The following WDR89 variants were observed in gnomAD, a reference collection of about 807,000 sequenced individuals.
WDR89 encodes WD repeat-containing protein 89.
A neutral mutation model predicts 29.1 loss-of-function variants in WDR89; 17 were observed. The observed-to-expected ratio is 0.58, with a 90% CI of 0.40 to 0.88. The LOEUF (loss-of-function observed/expected upper bound fraction) is 0.88. Among genes scored for constraint, WDR89 ranks in the 40% least tolerant of loss-of-function variants. The pLI is 0.00. For missense variants in WDR89, 396 were observed against 456.3 expected (o/e 0.87, Z 1.20); for synonymous variants, 138 against 157.8 (o/e 0.87, Z 0.94).
rs531761706 is a variant in WDR89 at position 63,597,246 on chromosome 14, C to T, written c.*1533G>A. The T allele has an allele frequency of 2.6e-5, 4 of 152,276 alleles. No individual in the cohort carries two copies. The highest frequency in any genetic ancestry group is 6.5e-5 in the Admixed American group (1 of 15,276). The allele number at this position is 152,276 out of a possible 1,614,324, so 9.4% of individuals were successfully genotyped here. A position where few individuals can be genotyped will look rare whatever the true frequency, so the allele number is the denominator to read the frequency against. ...AACTCACCCACTATCAGGAGAACAT[C>T]GTAGGGGAAACCACCCCCATGATCC... On this transcript the variant is annotated 3_prime_UTR_variant, in exon 3 of 3. Coordinates refer to ENST00000620954, the MANE Select transcript of WDR89 (RefSeq NM_080666.4).
rs1221036779 is a variant in WDR89 at position 63,600,716 on chromosome 14, G to GC, written c.-31-744dup. On this transcript the variant is annotated intron_variant, in intron 2 of 2. Transcript: ENST00000620954. ...TTAGAATTTAAACATAGATATGTAGGCAAAAAAAAAAAAAAAAAAAAAAAA... is the reference window on the plus strand; with the variant it reads ...TTAGAATTTAAACATAGATATGTAGGCCAAAAAAAAAAAAAAAAAAAAAAAA... Among the ~76,000 whole-genome samples the GC allele has an allele frequency of 8.1e-4, 11 of 13,624 alleles. No homozygotes were observed. The East Asian group carries it at 0.021, about 26-fold the overall frequency. The allele number at this position is 13,624 out of a possible 152,430, so 8.9% of individuals were successfully genotyped here. A position where few individuals can be genotyped will look rare whatever the true frequency, so the allele number is the denominator to read the frequency against.
At chr14:63,635,755 G>A (rs1332876559) in intron 1 of WDR89, among the ~76,000 whole-genome samples, 2 of 152,178 alleles carry the variant, frequency 1.3e-5, no homozygotes, top group Non-Finnish European at 2.9e-5. Context: ...AAAGCTCCTA[G>A]AACTGATAAA....
chr14:63,641,429 C>G (rs555423873), intron 1 of WDR89: 1 of 152,244 alleles, frequency 6.6e-6, no homozygotes, highest in Non-Finnish European at 1.5e-5. Flanking sequence ...TTATACTAAA[C>G]CCTTTTAGTG....
At chr14:63,619,270 T>A (rs1368632672) in intron 2 of WDR89, among the ~76,000 whole-genome samples, 1 of 152,184 alleles carries the variant, frequency 6.6e-6, no homozygotes, top group Non-Finnish European at 1.5e-5. Flanking sequence ...GTTTTTGGTA[T>A]ATAAATGTTA....
intron 2 of WDR89, among the ~76,000 whole-genome samples, chr14:63,620,004 C>CA (rs71120271): frequency 0.33 from 23,806 of 71,606 alleles, 3,122 homozygotes; most frequent in East Asian, 0.55. Flanking sequence ...GACTCCATCT[C>CA]AAAAAAAAAA....
chr14:63,626,343 A>AG (rs1340872596), intron 1 of WDR89, among the ~76,000 whole-genome samples: 1 of 152,176 alleles, frequency 6.6e-6, no homozygotes, highest in African/African-American at 2.4e-5. Flanking sequence ...AAGTCATAAA[A>AG]GGGAAAATTC....
intron 2 of WDR89, among the ~76,000 whole-genome samples, chr14:63,624,509 T>C (rs1040683210): frequency 6.2e-5 from 8 of 129,944 alleles, no homozygotes; most frequent in African/African-American, 3.2e-4. Context: ...AAAAGAAATA[T>C]TTAAAAAAAA....
rs1369938997 is a variant in WDR89 at position 63,599,452 on chromosome 14, G to A, written c.491C>T (p.Ala164Val). The A allele has an allele frequency of 6.2e-7, 1 of 1,614,148 alleles. No homozygotes were observed. Among genetic ancestry groups the A allele is most frequent in the Non-Finnish European group, 8.5e-7 (1 of 1,180,020 alleles). ...NLSTTKDSLG[A>V]YSETHSDDVT... Reference sequence around the variant, plus strand: ...ATCATCACTATGTGTCTCTGAATATGCACCAAGTGAGTCTTTAGTTGTAGA... The same window carrying A: ...ATCATCACTATGTGTCTCTGAATATACACCAAGTGAGTCTTTAGTTGTAGA... The change falls in exon 3 of 3, where the codon GCA (alanine) becomes GTA (valine). Residue 164 changes from alanine (A) to valine (V), a missense_variant. Coordinates refer to ENST00000620954, the MANE Select transcript of WDR89 (RefSeq NM_080666.4).
intron 2 of WDR89, among the ~76,000 whole-genome samples, chr14:63,602,913 A>T (rs1199751272): frequency 6.6e-6 from 1 of 152,152 alleles, no homozygotes; most frequent in East Asian, 1.9e-4. Context: ...GTTTTTTAAA[A>T]TTTATTTTAT....
intron 2 of WDR89, among the ~76,000 whole-genome samples, chr14:63,612,612 T>C (rs1198098956): frequency 6.6e-6 from 1 of 152,074 alleles, no homozygotes; most frequent in Non-Finnish European, 1.5e-5. Context: ...TGACCTCAGG[T>C]GATCCATCCG....
chr14:63,637,555 T>TGG (rs1883814763), intron 1 of WDR89, among the ~76,000 whole-genome samples: 1 of 151,628 alleles, frequency 6.6e-6, no homozygotes, highest in Non-Finnish European at 1.5e-5. Flanking sequence ...CTGTGGTGGG[T>TGG]GTGTGTGTGT....
At chr14:63,623,928 T>C (rs1309099455) in intron 2 of WDR89, among the ~76,000 whole-genome samples, 2 of 151,758 alleles carry the variant, frequency 1.3e-5, no homozygotes, top group Non-Finnish European at 2.9e-5. Flanking sequence ...CATGCAAATA[T>C]TAATAAAAAG....
At chr14:63,606,472 A>T (rs1167337396) in intron 2 of WDR89, among the ~76,000 whole-genome samples, 1 of 152,148 alleles carries the variant, frequency 6.6e-6, no homozygotes, top group Non-Finnish European at 1.5e-5. Context: ...TTTATACCAT[A>T]ATTTTATTAT....
chr14:63,602,462 CAA>C (rs58161137), intron 2 of WDR89, among the ~76,000 whole-genome samples: 1,712 of 35,464 alleles, frequency 0.048, 22 homozygotes, highest in African/African-American at 0.13. Flanking sequence ...GATTCCTACT[CAA>C]AAAAAAAAAA....
intron 1 of WDR89, among the ~76,000 whole-genome samples, chr14:63,637,893 C>T (rs940531180): frequency 1.2e-4 from 18 of 152,092 alleles, no homozygotes; most frequent in African/African-American, 4.3e-4. Context: ...CACAAATCAT[C>T]ACTAAAGAAC....
At chr14:63,640,313 C>T (rs1884019785) in intron 1 of WDR89, among the ~76,000 whole-genome samples, 1 of 152,104 alleles carries the variant, frequency 6.6e-6, no homozygotes, top group Admixed American at 6.5e-5. Flanking sequence ...ATTATTTAAT[C>T]CTCAGAACTC....
At chr14:63,601,481 A>T (rs1895059493) in intron 2 of WDR89, 1 of 1,240,488 alleles carries the variant, frequency 8.1e-7, no homozygotes, top group Admixed American at 1.7e-5. Flanking sequence ...ACACTAGAGC[A>T]GAGTACGAGT....
intron 2 of WDR89, among the ~76,000 whole-genome samples, chr14:63,602,665 G>A (rs1414339970): frequency 1.3e-5 from 2 of 151,374 alleles, no homozygotes; most frequent in Admixed American, 6.6e-5. Context: ...CCAGCTACTC[G>A]GGAGGCTGAG....
At chr14:63,638,404 T>C (rs557268310) in intron 1 of WDR89, among the ~76,000 whole-genome samples, 2 of 152,344 alleles carry the variant, frequency 1.3e-5, no homozygotes, top group Non-Finnish European at 2.9e-5. Flanking sequence ...ATAGGCAACA[T>C]AGTGAGAACC....
Sources: allele counts gnomAD v4.1 joint callset (sites outside exome capture counted in the v4.1 genomes callset), GRCh38; gene constraint gnomAD v4.1.1; transcripts MANE v1.5; gene names NCBI Gene and HGNC (gene_info 2026-07-23, HGNC 2026-07-21).